MGAT3: variants seen among roughly 807,000 people sequenced by gnomAD.
The protein encoded by MGAT3 is beta-1,4-mannosyl-glycoprotein 4-beta-N-acetylglucosaminyltransferase, also known as GlcNAc-T III.
A neutral mutation model predicts 29.8 loss-of-function variants in MGAT3; 9 were observed. That is an observed-to-expected ratio of 0.30 (90% CI 0.18 to 0.53). MGAT3 has a LOEUF of 0.53. Among genes scored for constraint, MGAT3 ranks in the 20% least tolerant of loss-of-function variants. The pLI, the probability that MGAT3 is intolerant of heterozygous loss-of-function variation, is 0.96. For missense variants in MGAT3, 557 were observed against 769.5 expected, an observed-to-expected ratio of 0.72 and a Z score of 3.27; for synonymous variants, 397 against 348.9, an observed-to-expected ratio of 1.14 and a Z score of -1.54.
Position 39,460,337 on chromosome 22 carries a change from C to T in MGAT3, c.-2+2780C>T, listed in dbSNP as rs185045406. Among the ~76,000 whole-genome samples, 52 of 152,182 alleles carry T rather than the reference C, an allele frequency of 3.4e-4. 1 individual carries two copies. In the East Asian group the frequency reaches 7.3e-3, roughly 21 times the overall value. On this transcript the variant is annotated intron_variant, in intron 1 of 1. Coordinates refer to ENST00000341184, the MANE Select transcript of MGAT3 (RefSeq NM_002409.5). ...ATTGGGGAGCAGATACCCCTGGCAC[C>T]GATGCTCCACCTAGCCCTGTGCTGG...
At position 39,483,051 on chromosome 22, in the gene MGAT3, T is replaced by C. The variant is rs143505912; in HGVS notation, c.-1-4296T>C. ...AGGCTGTTTCCTTGCCTCTCTGAGT[T>C]CCTCTTACCTTGCTTTGCTAAAGCC... On this transcript the variant is annotated intron_variant, in intron 1 of 1. Coordinates refer to ENST00000341184, the MANE Select transcript of MGAT3 (RefSeq NM_002409.5). Among the ~76,000 whole-genome samples, 302 of 152,344 alleles carry C rather than the reference T, an allele frequency of 2.0e-3. 1 individual carries two copies. Among genetic ancestry groups the C allele is most frequent in the African/African-American group, 7.0e-3 (292 of 41,576 alleles).
chr22:39,484,471 C>G (rs1929215826), intron 1 of MGAT3, among the ~76,000 whole-genome samples: 1 of 152,056 alleles, frequency 6.6e-6, no homozygotes, highest in South Asian at 2.1e-4. Flanking sequence ...GTCCCTGGTT[C>G]AAGCGATTCT....
chr22:39,486,626 A>C (rs1211229188), intron 1 of MGAT3, among the ~76,000 whole-genome samples: 4 of 152,036 alleles, frequency 2.6e-5, no homozygotes. Context: ...TCAGCCTCCT[A>C]AGTAGCTGGG....
chr22:39,482,845 G>A (rs957644033), intron 1 of MGAT3, among the ~76,000 whole-genome samples: 1 of 152,138 alleles, frequency 6.6e-6, no homozygotes, highest in East Asian at 1.9e-4. Context: ...CCCAGACTGA[G>A]GCCTTATTAA....
chr22:39,476,646 G>A, intron 1 of MGAT3: 1 of 152,234 alleles, frequency 6.6e-6, no homozygotes, highest in Non-Finnish European at 1.5e-5. Flanking sequence ...TGTTGAGCCT[G>A]GAGCAGAACC....
At chr22:39,463,018 C>T (rs1361792844) in intron 1 of MGAT3, among the ~76,000 whole-genome samples, 1 of 152,130 alleles carries the variant, frequency 6.6e-6, no homozygotes, top group Non-Finnish European at 1.5e-5. Flanking sequence ...AGGAACAGCC[C>T]AGAGACAGGG....
chr22:39,477,575 T>C (rs2145720904), intron 1 of MGAT3: 1 of 151,168 alleles, frequency 6.6e-6, no homozygotes, highest in South Asian at 2.1e-4. Flanking sequence ...AACCATGCAT[T>C]TATAGAACCT....
intron 1 of MGAT3, chr22:39,477,432 T>C (rs1928997156): frequency 6.6e-6 from 1 of 152,026 alleles, no homozygotes; most frequent in African/African-American, 2.4e-5. Flanking sequence ...TTTTGTACCT[T>C]AACAAAGGTG....
intron 1 of MGAT3, among the ~76,000 whole-genome samples, chr22:39,484,023 C>A (rs1929201180): frequency 6.6e-6 from 1 of 152,218 alleles, no homozygotes; most frequent in African/African-American, 2.4e-5. Flanking sequence ...GGACTCCTCG[C>A]AAGCTGAGGT....
intron 1 of MGAT3, among the ~76,000 whole-genome samples, chr22:39,478,588 A>G (rs539705358): frequency 5.9e-5 from 9 of 152,324 alleles, no homozygotes; most frequent in African/African-American, 2.2e-4. Flanking sequence ...GACTCTGGCC[A>G]GCACGGGCAA....
Position 39,487,400 on chromosome 22 carries a change from G to T in MGAT3, c.53G>T (p.Cys18Phe). 1 of 1,613,610 alleles carries T rather than the reference G, an allele frequency of 6.2e-7. No homozygotes were observed. ...LFLMFCMAGL[C>F]LISFLHFFKT... Reference sequence around the variant, plus strand: ...CTCATGTTCTGTATGGCCGGCCTGTGCCTCATCTCCTTCCTGCACTTCTTC... The same window carrying T: ...CTCATGTTCTGTATGGCCGGCCTGTTCCTCATCTCCTTCCTGCACTTCTTC... Residue 18 changes from cysteine (C) to phenylalanine (F), a missense_variant, in exon 2 of 2, where the codon TGC becomes TTC. Coordinates refer to ENST00000341184, the MANE Select transcript of MGAT3 (RefSeq NM_002409.5). This position sits in a 1 kb window ranked among gnomAD's most constrained non-coding sequence, Gnocchi z 5.7.
At chr22:39,484,628 T>G (rs1458263809) in intron 1 of MGAT3, among the ~76,000 whole-genome samples, 1 of 151,818 alleles carries the variant, frequency 6.6e-6, no homozygotes, top group Non-Finnish European at 1.5e-5. Context: ...CTGCCTCAGC[T>G]TCCCAAAGTG....
intron 1 of MGAT3, among the ~76,000 whole-genome samples, chr22:39,472,091 A>T (rs942275570): frequency 6.6e-6 from 1 of 152,080 alleles, no homozygotes. Context: ...TTCACCCTCA[A>T]GAGGGGTGTT....
intron 1 of MGAT3, among the ~76,000 whole-genome samples, chr22:39,463,334 A>G (rs1416388823): frequency 2.6e-5 from 4 of 152,168 alleles, no homozygotes; most frequent in Non-Finnish European, 4.4e-5. Context: ...TGTCCAGCCT[A>G]TAGGACCCTC....
At chr22:39,476,797 C>T (rs1229062601) in intron 1 of MGAT3, 1 of 152,232 alleles carries the variant, frequency 6.6e-6, no homozygotes, top group Non-Finnish European at 1.5e-5. Context: ...ACACACATAT[C>T]TGCGTCCCCG....
chr22:39,470,568 G>A (rs767701917), intron 1 of MGAT3, among the ~76,000 whole-genome samples: 3 of 152,204 alleles, frequency 2.0e-5, no homozygotes, highest in African/African-American at 4.8e-5. Flanking sequence ...GGGAATTTGC[G>A]GTGACTCTGG....
chr22:39,467,130 CTT>C (rs1030484230), intron 1 of MGAT3, among the ~76,000 whole-genome samples: 1 of 152,242 alleles, frequency 6.6e-6, no homozygotes, highest in Non-Finnish European at 1.5e-5. Flanking sequence ...ACTAGCGTCT[CTT>C]AGGCTGCGCA....
intron 1 of MGAT3, among the ~76,000 whole-genome samples, chr22:39,471,319 A>AG (rs2082471357): frequency 2.0e-5 from 3 of 152,276 alleles, no homozygotes; most frequent in South Asian, 4.1e-4. Context: ...TCGAGGATTT[A>AG]TCCCATTGGC....
At position 39,487,824 on chromosome 22, in the gene MGAT3, G is replaced by A. The variant is rs918132328; in HGVS notation, c.477G>A (p.Thr159=). 2.0e-6 allele frequency: 3 copies of A among 1,501,942 alleles called. No individual in the cohort carries two copies. The highest frequency in any genetic ancestry group is 1.4e-5 in the African/African-American group (1 of 71,994). 93.0% of individuals were successfully genotyped at this position (1,501,942 alleles called of 1,614,324 possible). ...PRYLLSARER[T]GGRGARRKWV... ...ACCTCCTGAGCGCCCGGGAGCGCAC[G>A]GGGGGCCGAGGCGCCCGGCGCAAGT... The change falls in exon 2 of 2, where the codon ACG becomes ACA. Residue 159 remains threonine, a synonymous_variant. Transcript: ENST00000341184. This position sits in a 1 kb window ranked among gnomAD's most constrained non-coding sequence, Gnocchi z 5.7.
Sources: allele counts gnomAD v4.1 joint callset (sites outside exome capture counted in the v4.1 genomes callset), GRCh38; gene constraint gnomAD v4.1.1; non-coding constraint Gnocchi (gnomAD v3.1); transcripts MANE v1.5; gene names NCBI Gene and HGNC (gene_info 2026-07-23, HGNC 2026-07-21).